The following ANKHD1 variants were observed in gnomAD, a reference collection of about 807,000 sequenced individuals.
ANKHD1 encodes ankyrin repeat and KH domain containing 1.
A neutral mutation model predicts 230.5 loss-of-function variants in ANKHD1; 31 were observed. The ratio of observed to expected loss-of-function variants is 0.13; its 90% CI spans 0.10 to 0.18. The LOEUF (loss-of-function observed/expected upper bound fraction) is 0.18, where lower values mean the gene tolerates loss of function less well. Among genes scored for constraint, ANKHD1 ranks in the 10% least tolerant of loss-of-function variants. ANKHD1 has a pLI of 1.00. For synonymous variants in ANKHD1, 1,074 were observed against 1,117.6 expected (o/e 0.96, Z 0.78); for missense variants, 2,256 against 3,071.3 (o/e 0.73, Z 6.27).
intron 1 of ANKHD1, among the ~76,000 whole-genome samples, chr5:140,405,781 C>T (rs2126834465): frequency 6.6e-6 from 1 of 152,198 alleles, no homozygotes; most frequent in South Asian, 2.1e-4. Flanking sequence ...TACAGATATC[C>T]ACCACCACTC....
intron 6 of ANKHD1, among the ~76,000 whole-genome samples, chr5:140,448,398 G>A (rs539829680): frequency 2.0e-5 from 3 of 152,196 alleles, no homozygotes. Context: ...ATAAATTCCT[G>A]GAAGTGGAAT....
At chr5:140,501,099 G>GTTTT (rs772838208) in intron 15 of ANKHD1, among the ~76,000 whole-genome samples, 2 of 136,948 alleles carry the variant, frequency 1.5e-5, no homozygotes, top group East Asian at 2.1e-4. Context: ...ATAGGTTTTT[G>GTTTT]TTTTTTTTTT....
intron 11 of ANKHD1, among the ~76,000 whole-genome samples, chr5:140,483,783 G>A (rs182365249): frequency 2.0e-5 from 3 of 152,180 alleles, no homozygotes; most frequent in Non-Finnish European, 1.5e-5. Flanking sequence ...AAATGTACTT[G>A]TTTTCCTCTG....
chr5:140,538,080 T>G lies in ANKHD1; in HGVS notation c.7229-6T>G. ...TTAAAACTTTGTTTTCAATTATTCT[T>G]TCCAGAAGGCTTATCAGGTTGGTCG... On this transcript the variant is annotated splice_polypyrimidine_tract_variant and splice_region_variant and intron_variant, in intron 31 of 33. Coordinates refer to ENST00000360839, the MANE Select transcript of ANKHD1 (RefSeq NM_017747.3). 6.3e-7 allele frequency: 1 copy of G among 1,599,576 alleles called. No homozygotes were observed. The highest frequency in any genetic ancestry group is 8.5e-7 in the Non-Finnish European group (1 of 1,173,432).
intron 11 of ANKHD1, among the ~76,000 whole-genome samples, chr5:140,484,578 C>G (rs1289833512): frequency 1.3e-5 from 2 of 152,120 alleles, no homozygotes; most frequent in Non-Finnish European, 2.9e-5. Context: ...TATATTGCCA[C>G]TTTCTAGTAG....
In ANKHD1 at chr5:140,529,745, A is replaced by G. The variant is rs1753732387; in HGVS notation, c.6799A>G (p.Lys2267Glu). 6.2e-7 allele frequency: 1 copy of G among 1,614,128 alleles called. No homozygotes were observed. Among genetic ancestry groups the G allele is most frequent in the Non-Finnish European group, 8.5e-7 (1 of 1,180,018 alleles). ...GGAAAACATGCACCCTGATAACTCA[A>G]AGGCACCTGGCTTCAGACCACCTTC... Reference protein sequence around the residue: ...HLENMHPDNSKAPGFRPPSQR... With the variant: ...HLENMHPDNSEAPGFRPPSQR... Residue 2267 changes from lysine (K) to glutamate (E), a missense_variant, in exon 29 of 34, where the codon AAG becomes GAG. Coordinates refer to ENST00000360839, the MANE Select transcript of ANKHD1 (RefSeq NM_017747.3).
intron 24 of ANKHD1, among the ~76,000 whole-genome samples, chr5:140,522,100 C>T (rs1753375526): frequency 6.6e-6 from 1 of 152,212 alleles, no homozygotes; most frequent in Non-Finnish European, 1.5e-5. Context: ...CACTCCATAG[C>T]TATCATATTC....
In ANKHD1 at chr5:140,461,335, T is replaced by A. The variant is rs76330836; in HGVS notation, c.1672+1980T>A. Among the ~76,000 whole-genome samples, 585 of 152,310 alleles carry A rather than the reference T, an allele frequency of 3.8e-3. 7 individuals carry two copies. The highest frequency in any genetic ancestry group is 0.014 in the African/African-American group (570 of 41,562). On this transcript the variant is annotated intron_variant, in intron 9 of 33. Coordinates refer to ENST00000360839, the MANE Select transcript of ANKHD1 (RefSeq NM_017747.3). Reference sequence around the variant, plus strand: ...TTTAGCTCCTTTTGCTTATTTGAAGTATGTAGCTCGTAGAAACTATCTCAG... The same window carrying A: ...TTTAGCTCCTTTTGCTTATTTGAAGAATGTAGCTCGTAGAAACTATCTCAG...
chr5:140,426,253 C>G (rs1236792626), intron 1 of ANKHD1, among the ~76,000 whole-genome samples: 1 of 152,138 alleles, frequency 6.6e-6, no homozygotes, highest in African/African-American at 2.4e-5. Context: ...CCTCAGGTCC[C>G]CAGTAGCTGG....
At chr5:140,422,037 T>C (rs1276432550) in intron 1 of ANKHD1, among the ~76,000 whole-genome samples, 3 of 152,230 alleles carry the variant, frequency 2.0e-5, no homozygotes, top group African/African-American at 4.8e-5. Flanking sequence ...GTAGGACTTC[T>C]TCATGAACTC....
chr5:140,429,019 C>T (rs937697237), intron 1 of ANKHD1, among the ~76,000 whole-genome samples: 4 of 149,670 alleles, frequency 2.7e-5, no homozygotes, highest in African/African-American at 9.9e-5. Context: ...CTCCTGACCT[C>T]AGGTGATCCA....
At chr5:140,437,880 A>G (rs2126914699) in intron 2 of ANKHD1, among the ~76,000 whole-genome samples, 1 of 152,332 alleles carries the variant, frequency 6.6e-6, no homozygotes, top group African/African-American at 2.4e-5. Flanking sequence ...TTTAGTTTGC[A>G]TTCATGTTAT....
chr5:140,514,823 T>A (rs1752919900), intron 24 of ANKHD1, among the ~76,000 whole-genome samples: 1 of 151,892 alleles, frequency 6.6e-6, no homozygotes, highest in Non-Finnish European at 1.5e-5. Flanking sequence ...GTTTAAAAAA[T>A]TCACCGGGCA....
chr5:140,421,638 T>G (rs1771992972), intron 1 of ANKHD1, among the ~76,000 whole-genome samples: 1 of 152,178 alleles, frequency 6.6e-6, no homozygotes, highest in Non-Finnish European at 1.5e-5. Context: ...TAAGGAGGTG[T>G]AAATTCAATG....
At chr5:140,462,782 G>A (rs1053610750) in intron 9 of ANKHD1, among the ~76,000 whole-genome samples, 6 of 148,408 alleles carry the variant, frequency 4.0e-5, no homozygotes, top group African/African-American at 1.2e-4. Context: ...CCCTTTATCT[G>A]CCAGTTTCCA....
chr5:140,516,164 G>A (rs1320513540), intron 24 of ANKHD1, among the ~76,000 whole-genome samples: 2 of 152,156 alleles, frequency 1.3e-5, no homozygotes, highest in East Asian at 1.9e-4. Flanking sequence ...AGCCTCAGGA[G>A]CCCATGCGAT....
At chr5:140,411,994 G>A (rs1021720093) in intron 1 of ANKHD1, among the ~76,000 whole-genome samples, 8 of 151,702 alleles carry the variant, frequency 5.3e-5, no homozygotes, top group Admixed American at 6.6e-5. Context: ...AAGTGTCTGG[G>A]ACCACAGGCG....
At chr5:140,404,436 T>C (rs1441917080) in intron 1 of ANKHD1, among the ~76,000 whole-genome samples, 1 of 151,642 alleles carries the variant, frequency 6.6e-6, no homozygotes, top group East Asian at 1.9e-4. Flanking sequence ...TTTTTTGTTT[T>C]TTTTGTTTTT....
At chr5:140,525,706 A>G (rs558330115) in intron 25 of ANKHD1, among the ~76,000 whole-genome samples, 1 of 152,232 alleles carries the variant, frequency 6.6e-6, no homozygotes, top group African/African-American at 2.4e-5. Flanking sequence ...TGTCTCTACT[A>G]AAAGTACAAA....
Sources: gnomAD v4.1 joint callset for allele counts (sites outside exome capture counted in the v4.1 genomes callset) on GRCh38, gnomAD v4.1.1 for gene constraint, MANE v1.5 for transcripts, NCBI Gene and HGNC (gene_info 2026-07-23, HGNC 2026-07-21) for gene names.